Variants in TEX14 observed in about 807,000 individuals in gnomAD.
TEX14 encodes inactive serine/threonine-protein kinase TEX14.
Under a neutral mutation model 178.6 loss-of-function variants are expected in TEX14, and 168 were observed. That is an observed-to-expected ratio of 0.94 (90% CI 0.83 to 1.07). The LOEUF (loss-of-function observed/expected upper bound fraction) is 1.07. TEX14 is among the 50% of genes least tolerant of loss of function. TEX14 has a pLI of 0.00. For synonymous variants in TEX14, 626 were observed against 634.1 expected, an observed-to-expected ratio of 0.99 and a Z score of 0.19; for missense variants, 1,730 against 1,753.6, an observed-to-expected ratio of 0.99 and a Z score of 0.24.
At chr17:58,559,702 AT>A in intron 29 of TEX14, 140 bp from the exon 30 acceptor site, 1 of 610,502 alleles carries the variant, frequency 1.6e-6, no homozygotes, top group East Asian at 2.8e-5. Context: ...AGTGTTCTCT[AT>A]GCACCAGGCA....
At chr17:58,596,392 C>CAGTGGGAGG (rs2045282247) in intron 14 of TEX14, among the ~76,000 whole-genome samples, 1 of 152,066 alleles carries the variant, frequency 6.6e-6, no homozygotes, top group East Asian at 1.9e-4. Context: ...GGTGATCCTC[C>CAGTGGGAGG]CACTTCAGCC....
intron 1 of TEX14, among the ~76,000 whole-genome samples, chr17:58,674,677 G>A (rs1466429330): frequency 6.6e-6 from 1 of 151,038 alleles, no homozygotes; most frequent in Non-Finnish European, 1.5e-5. Context: ...CTCAAAAAAC[G>A]AATAGAAACA....
At chr17:58,637,326 A>G (rs1279335753) in intron 2 of TEX14, among the ~76,000 whole-genome samples, 1 of 152,232 alleles carries the variant, frequency 6.6e-6, no homozygotes, top group Non-Finnish European at 1.5e-5. Flanking sequence ...CTCTGGAATG[A>G]TAAGTATCTT....
At chr17:58,581,676 C>A in intron 19 of TEX14, 1 of 1,613,748 alleles carries the variant, frequency 6.2e-7, no homozygotes, top group Non-Finnish European at 8.5e-7. Flanking sequence ...GTTAAAAATT[C>A]ATCTGTTATA....
rs1349274622 is a variant in TEX14, at chr17:58,616,205, A to G, written c.737T>C (p.Phe246Ser). The change falls in exon 7 of 32, where the codon TTC (phenylalanine) becomes TCC (serine). Residue 246 changes from phenylalanine to serine, a missense_variant. Phe to Ser is a radical substitution (Grantham distance 155). Around this residue, in one of 2 missense-constraint regions of TEX14, gnomAD observed 789 missense variants for 681.2 expected, o/e 1.16. Coordinates refer to ENST00000349033, the MANE Select transcript of TEX14 (RefSeq NM_031272.5). ...CATGACCATGTAGGGGCCGCTGAAG[A>G]AAGAGAAGGTGGGCTCATCATCAGC... ...IQADDEPTFS[F>S]FSGPYMVMTN... 1 of 1,613,914 alleles carries G rather than the reference A, an allele frequency of 6.2e-7. No homozygotes were observed. Among genetic ancestry groups the G allele is most frequent in the Non-Finnish European group, 8.5e-7 (1 of 1,179,904 alleles).
At chr17:58,658,851 G>A (rs924890048) in intron 1 of TEX14, among the ~76,000 whole-genome samples, 3 of 151,860 alleles carry the variant, frequency 2.0e-5, no homozygotes, top group East Asian at 3.9e-4. Flanking sequence ...CGCTCAGACA[G>A]GAGTGCAGTG....
At chr17:58,559,077 G>C (rs2044216909) in intron 30 of TEX14, among the ~76,000 whole-genome samples, 1 of 152,142 alleles carries the variant, frequency 6.6e-6, no homozygotes, top group Middle Eastern at 3.2e-3. Flanking sequence ...GGCTGAGGCA[G>C]GGGAATCACT....
At chr17:58,671,865 T>A (rs528816130) in intron 1 of TEX14, among the ~76,000 whole-genome samples, 1 of 152,150 alleles carries the variant, frequency 6.6e-6, no homozygotes, top group African/African-American at 2.4e-5. Context: ...CTTTAGACTT[T>A]CCACGCCATT....
chr17:58,559,352 G>A, intron 30 of TEX14, 101 bp downstream of exon 30: 1 of 607,926 alleles, frequency 1.6e-6, no homozygotes, highest in Non-Finnish European at 2.9e-6. Flanking sequence ...TCAAAGGTAG[G>A]AGGATTATGT....
intron 1 of TEX14, chr17:58,661,235 C>A (rs1315494418): frequency 6.3e-6 from 5 of 794,912 alleles, no homozygotes; most frequent in Non-Finnish European, 1.2e-5. Flanking sequence ...CTCGGCCACA[C>A]GATAGTAATG....
chr17:58,574,476 G>C (rs939985529), intron 21 of TEX14, among the ~76,000 whole-genome samples: 2 of 151,954 alleles, frequency 1.3e-5, no homozygotes, highest in African/African-American at 4.8e-5. Flanking sequence ...AACAGATCGA[G>C]ACCATCCTGG....
intron 29 of TEX14, among the ~76,000 whole-genome samples, chr17:58,560,094 A>G (rs1332073041): frequency 6.6e-6 from 1 of 152,112 alleles, no homozygotes; most frequent in Non-Finnish European, 1.5e-5. Context: ...CATCCCCCCG[A>G]CCCAACTGGA....
chr17:58,572,549 A>ACT (rs1385658992), intron 23 of TEX14, among the ~76,000 whole-genome samples: 5 of 151,478 alleles, frequency 3.3e-5, no homozygotes, highest in Non-Finnish European at 7.4e-5. Flanking sequence ...GGAGAATGGC[A>ACT]TGAACCCGGG....
At chr17:58,568,243 C>G (rs2044444538) in intron 26 of TEX14, among the ~76,000 whole-genome samples, 1 of 152,146 alleles carries the variant, frequency 6.6e-6, no homozygotes, top group African/African-American at 2.4e-5. Context: ...AAGAAAGGTC[C>G]TATGACCATG....
intron 2 of TEX14, among the ~76,000 whole-genome samples, chr17:58,645,230 C>T (rs1246622554): frequency 6.6e-6 from 1 of 152,156 alleles, no homozygotes; most frequent in Non-Finnish European, 1.5e-5. Context: ...TCAAGTGATC[C>T]ACCCACCTTG....
Position 58,584,557 on chromosome 17 carries a change from A to T in TEX14, c.3114T>A (p.His1038Gln). 1.2e-6 allele frequency: 2 copies of T among 1,614,156 alleles called. No individual in the cohort carries two copies. The highest frequency in any genetic ancestry group is 1.7e-6 in the Non-Finnish European group (2 of 1,180,012). ...CAGAACTTGCTTGGAAGGCTTCACT[A>T]TGCTCTGGTTGCTCCTTTTGTCTGG... ...PSPRQKEQPEHSEAFQASSDT... is the reference protein window; with the variant it reads ...PSPRQKEQPEQSEAFQASSDT... Residue 1038 changes from histidine (H) to glutamine (Q), a missense_variant, in exon 19 of 32, where the codon CAT becomes CAA. His to Gln is a conservative substitution (Grantham distance 24). Coordinates refer to ENST00000349033, the MANE Select transcript of TEX14 (RefSeq NM_031272.5).
In TEX14 at chr17:58,594,356, CT is replaced by C. The variant is rs1216981083; in HGVS notation, c.2470-696del. Among the ~76,000 whole-genome samples the C allele has an allele frequency of 7.5e-3, 1,065 of 141,504 alleles. 3 individuals carry two copies. The highest frequency in any genetic ancestry group is 0.02 in the South Asian group (91 of 4,462). The allele number at this position is 141,504 out of a possible 152,430, so 92.8% of individuals were successfully genotyped here. On this transcript the variant is annotated intron_variant, in intron 14 of 31. Transcript: ENST00000349033. ...CAGACTAACATAAGAGAATCTTTTT[CT>C]TTTTTTTTTTTTTGAGATGGCCTCA...
chr17:58,649,891 C>G (rs1300479834), intron 2 of TEX14, among the ~76,000 whole-genome samples: 1 of 151,886 alleles, frequency 6.6e-6, no homozygotes, highest in Non-Finnish European at 1.5e-5. Context: ...AGGTGCCCAC[C>G]ACCATGCCTG....
chr17:58,666,168 C>T (rs546505307), intron 1 of TEX14, among the ~76,000 whole-genome samples: 45 of 151,842 alleles, frequency 3.0e-4, no homozygotes, highest in Non-Finnish European at 4.1e-4. Context: ...CATGGTAAGA[C>T]GCCATCTCTA....
Sources: allele counts gnomAD v4.1 joint callset (sites outside exome capture counted in the v4.1 genomes callset), GRCh38; gene constraint gnomAD v4.1.1; regional missense constraint gnomAD v4.1.1; transcripts MANE v1.5; gene names NCBI Gene and HGNC (gene_info 2026-07-23, HGNC 2026-07-21).